ASTN1: variants seen among roughly 807,000 people sequenced by gnomAD.
The protein encoded by ASTN1 is astrotactin 1.
In ASTN1, 41 loss-of-function variants were observed where a neutral mutation model predicts 140.7. The ratio of observed to expected loss-of-function variants is 0.29; its 90% CI spans 0.23 to 0.38. ASTN1 has a LOEUF of 0.38. ASTN1 is among the 10% of genes least tolerant of loss of function. ASTN1 has a pLI of 1.00. For missense variants in ASTN1, 1,479 were observed against 1,678.8 expected (o/e 0.88, Z 2.08); for synonymous variants, 640 against 652.2 (o/e 0.98, Z 0.29).
chr1:176,979,060 G>A (rs190302141), intron 8 of ASTN1, among the ~76,000 whole-genome samples: 66 of 152,278 alleles, frequency 4.3e-4, no homozygotes, highest in African/African-American at 1.2e-3. Context: ...ATAACCACAC[G>A]TTGAGGAAAG....
intron 16 of ASTN1, among the ~76,000 whole-genome samples, chr1:176,920,730 G>A (rs1332320566): frequency 6.6e-6 from 1 of 152,180 alleles, no homozygotes; most frequent in East Asian, 1.9e-4. Flanking sequence ...TGTCAGCTTT[G>A]CCCTCAACAT....
intron 5 of ASTN1, among the ~76,000 whole-genome samples, chr1:177,026,382 C>T (rs1192852702): frequency 3.9e-5 from 6 of 152,158 alleles, no homozygotes; most frequent in Admixed American, 3.3e-4. Flanking sequence ...ACTTCCATTG[C>T]CCAGCCAATG....
At chr1:176,965,425 A>G (rs944909194) in intron 8 of ASTN1, among the ~76,000 whole-genome samples, 188 bp from the exon 9 acceptor site, 2 of 152,186 alleles carry the variant, frequency 1.3e-5, no homozygotes, top group Non-Finnish European at 2.9e-5. Context: ...AGAACACGAT[A>G]AATGTAAAAA....
At chr1:177,117,886 C>A (rs1458186271) in intron 1 of ASTN1, among the ~76,000 whole-genome samples, 3 of 152,162 alleles carry the variant, frequency 2.0e-5, no homozygotes, top group Non-Finnish European at 2.9e-5. Flanking sequence ...GTCCTGCAAG[C>A]CCTGGATGCC....
intron 1 of ASTN1, among the ~76,000 whole-genome samples, chr1:177,116,778 C>T (rs944366469): frequency 1.3e-5 from 2 of 152,148 alleles, no homozygotes; most frequent in Non-Finnish European, 2.9e-5. Flanking sequence ...TCCTTTGACT[C>T]ATTTGACCCT....
intron 8 of ASTN1, among the ~76,000 whole-genome samples, chr1:176,985,104 G>A (rs937551846): frequency 5.9e-5 from 9 of 152,110 alleles, no homozygotes; most frequent in Non-Finnish European, 8.8e-5. Context: ...TTTACCCTCC[G>A]AATACCAGTC....
chr1:177,125,467 T>C (rs1180261708), intron 1 of ASTN1, among the ~76,000 whole-genome samples: 1 of 152,214 alleles, frequency 6.6e-6, no homozygotes, highest in Non-Finnish European at 1.5e-5. Flanking sequence ...GTCTTTAAAG[T>C]GAACACCATT....
At chr1:176,901,479 G>A (rs562455434) in intron 16 of ASTN1, among the ~76,000 whole-genome samples, 23 of 152,326 alleles carry the variant, frequency 1.5e-4, no homozygotes, top group African/African-American at 5.1e-4. Context: ...AGCAGCTGGG[G>A]TGAAAGGTAA....
At chr1:176,964,028 G>T (rs535496098) in intron 9 of ASTN1, among the ~76,000 whole-genome samples, 16 of 152,172 alleles carry the variant, frequency 1.1e-4, no homozygotes, top group Non-Finnish European at 2.1e-4. Context: ...GTAGGAGCAC[G>T]CCTAATAGAA....
chr1:177,124,530 T>C (rs950689159), intron 1 of ASTN1, among the ~76,000 whole-genome samples: 2 of 152,286 alleles, frequency 1.3e-5, no homozygotes, highest in South Asian at 4.1e-4. Flanking sequence ...TGTATCATCT[T>C]AGATTTTAGC....
At chr1:177,006,533 A>G (rs1410143320) in intron 8 of ASTN1, among the ~76,000 whole-genome samples, 7 of 152,242 alleles carry the variant, frequency 4.6e-5, no homozygotes, top group Non-Finnish European at 4.4e-5. Flanking sequence ...ATGCCCATGC[A>G]TGCAGTAGAA....
At chr1:177,052,810 TCCATAA>T (rs1677605966) in intron 2 of ASTN1, among the ~76,000 whole-genome samples, 1 of 152,220 alleles carries the variant, frequency 6.6e-6, no homozygotes, top group Admixed American at 6.5e-5. Flanking sequence ...ATAAAATTAT[TCCATAA>T]CCTGGAAAAT....
At chr1:176,872,319 A>G (rs1668383318) in intron 21 of ASTN1, among the ~76,000 whole-genome samples, 1 of 151,940 alleles carries the variant, frequency 6.6e-6, no homozygotes, top group African/African-American at 2.4e-5. Flanking sequence ...TACGTGCACT[A>G]CGTTGGACAA....
At chr1:176,894,506 G>A (rs1442585491) in intron 17 of ASTN1, 56 bp downstream of exon 17, 2 of 1,578,876 alleles carry the variant, frequency 1.3e-6, no homozygotes, top group African/African-American at 2.7e-5. Flanking sequence ...ACACCATTTG[G>A]AAAGCCTTCT....
intron 1 of ASTN1, among the ~76,000 whole-genome samples, chr1:177,084,578 CA>C: frequency 6.6e-6 from 1 of 151,928 alleles, no homozygotes; most frequent in Non-Finnish European, 1.5e-5. Context: ...ATACTCTTTC[CA>C]TCTTAGAGGG....
chr1:177,082,991 C>G (rs910440399), intron 1 of ASTN1, among the ~76,000 whole-genome samples: 2 of 152,096 alleles, frequency 1.3e-5, no homozygotes, highest in African/African-American at 4.8e-5. Flanking sequence ...ACCCAAATTC[C>G]TATTAAACCC....
intron 7 of ASTN1, among the ~76,000 whole-genome samples, chr1:177,018,919 G>C (rs564617446): frequency 6.6e-6 from 1 of 152,318 alleles, no homozygotes; most frequent in Non-Finnish European, 1.5e-5. Flanking sequence ...CACTTAACCA[G>C]AGGCACACCT....
intron 2 of ASTN1, among the ~76,000 whole-genome samples, chr1:177,041,803 T>C (rs1441947626): frequency 6.6e-6 from 1 of 152,202 alleles, no homozygotes; most frequent in African/African-American, 2.4e-5. Context: ...TAATCCCTCT[T>C]TCTCCCATTT....
intron 1 of ASTN1, among the ~76,000 whole-genome samples, chr1:177,064,854 C>T (rs770523336): frequency 2.0e-4 from 30 of 152,234 alleles, no homozygotes; most frequent in Non-Finnish European, 3.4e-4. Flanking sequence ...TTTATGTATG[C>T]TACATCTGGC....
Sources: gnomAD v4.1 joint callset for allele counts (sites outside exome capture counted in the v4.1 genomes callset) on GRCh38, gnomAD v4.1.1 for gene constraint, MANE v1.5 for transcripts, NCBI Gene and HGNC (gene_info 2026-07-23, HGNC 2026-07-21) for gene names.